ZCCHC14: variants seen among roughly 807,000 people sequenced by gnomAD.
The protein encoded by ZCCHC14 is zinc finger CCHC domain-containing protein 14.
A neutral mutation model predicts 85.0 loss-of-function variants in ZCCHC14; 16 were observed. The ratio of observed to expected loss-of-function variants is 0.19; its 90% CI spans 0.13 to 0.29. The LOEUF is 0.29. Among genes scored for constraint, ZCCHC14 ranks in the 10% least tolerant of loss-of-function variants. ZCCHC14 has a pLI of 1.00. For missense variants in ZCCHC14, 1,303 were observed against 1,443.5 expected (o/e 0.90, Z 1.58); for synonymous variants, 775 against 630.7 (o/e 1.23, Z -3.43).
intron 2 of ZCCHC14, among the ~76,000 whole-genome samples, chr16:87,454,498 A>T (rs1443538331): frequency 6.6e-6 from 1 of 152,252 alleles, no homozygotes; most frequent in Admixed American, 6.5e-5. Context: ...TAAAGTTAAA[A>T]CAAAAACTCT....
chr16:87,457,146 AGGCACTGGGTAC>A (rs1007681213), intron 2 of ZCCHC14, among the ~76,000 whole-genome samples: 1 of 152,248 alleles, frequency 6.6e-6, no homozygotes, highest in Admixed American at 6.5e-5. Flanking sequence ...AGCTGCAGCC[AGGCACTGGGTAC>A]GGGGTTTACT....
At chr16:87,450,946 T>C (rs1188040094) in intron 2 of ZCCHC14, among the ~76,000 whole-genome samples, 2 of 152,212 alleles carry the variant, frequency 1.3e-5, no homozygotes, top group African/African-American at 4.8e-5. Context: ...TTGCCCAAGC[T>C]GGAGCGTAAT....
chr16:87,453,566 G>A (rs1910811496), intron 2 of ZCCHC14, among the ~76,000 whole-genome samples: 1 of 152,216 alleles, frequency 6.6e-6, no homozygotes, highest in Non-Finnish European at 1.5e-5. Context: ...ACACCTGGCT[G>A]CCCCAGCCAC....
chr16:87,434,312 G>A (rs1437380741), intron 2 of ZCCHC14, among the ~76,000 whole-genome samples: 3 of 152,216 alleles, frequency 2.0e-5, no homozygotes, highest in African/African-American at 4.8e-5. Context: ...GGCCTGCCCC[G>A]CTGATCCAGC....
chr16:87,462,817 C>G (rs991815207), intron 1 of ZCCHC14, among the ~76,000 whole-genome samples: 1 of 151,964 alleles, frequency 6.6e-6, no homozygotes, highest in African/African-American at 2.4e-5. Context: ...CGCCAGTAAT[C>G]CCAGCACTTT....
intron 10 of ZCCHC14, 75 bp from the exon 11 acceptor site, chr16:87,413,270 G>C: frequency 6.9e-7 from 1 of 1,444,284 alleles, no homozygotes; most frequent in African/African-American, 1.4e-5. Context: ...CCCCTGCATC[G>C]CACTGTCGGC....
At chr16:87,477,378 C>T (rs754704090) in intron 1 of ZCCHC14, among the ~76,000 whole-genome samples, 1 of 152,148 alleles carries the variant, frequency 6.6e-6, no homozygotes, top group African/African-American at 2.4e-5. Context: ...CCATGGATCC[C>T]GCCCAGGGCC....
At chr16:87,455,538 T>C (rs940054977) in intron 2 of ZCCHC14, among the ~76,000 whole-genome samples, 1 of 152,216 alleles carries the variant, frequency 6.6e-6, no homozygotes, top group Non-Finnish European at 1.5e-5. Context: ...TCTTCTACGA[T>C]GAAGAACTTG....
rs115545658 is a variant in ZCCHC14, at chr16:87,422,597, G to A, written c.840+1213C>T. Among the ~76,000 whole-genome samples the A allele has an allele frequency of 5.2e-3, 794 of 151,908 alleles. 3 individuals are homozygous for A. The highest frequency in any genetic ancestry group is 0.018 in the African/African-American group (728 of 41,420). Reference sequence around the variant, plus strand: ...AAAAAAAAAAGAGAGAGAGCTGGGCGTGGTGGTGTGCACCTGTGATCCCAG... The same window carrying A: ...AAAAAAAAAAGAGAGAGAGCTGGGCATGGTGGTGTGCACCTGTGATCCCAG... On this transcript the variant is annotated intron_variant, in intron 4 of 12. Transcript: ENST00000671377.
chr16:87,484,911 C>T lies in ZCCHC14; in HGVS notation c.570+6758G>A, dbSNP rs534049533. Among the ~76,000 whole-genome samples the T allele has an allele frequency of 7.2e-5, 11 of 152,266 alleles. No homozygotes were observed. The South Asian group carries it at 1.4e-3, about 20-fold the overall frequency. On this transcript the variant is annotated intron_variant, in intron 1 of 12. Transcript: ENST00000671377. Reference sequence around the variant, plus strand: ...GGAGATAGAAATCACAAAGTTCAAACGCTGACCTACAAGTGACCCTGAGGA... The same window carrying T: ...GGAGATAGAAATCACAAAGTTCAAATGCTGACCTACAAGTGACCCTGAGGA...
rs541762753 is a variant in ZCCHC14 at position 87,431,256 on chromosome 16, G to C, written c.768+1872C>G. ...TGGGAGGCCGAGGCGGGTGGATCAG[G>C]AGGTCAGGACATTGAGACCATCCTG... is the stretch of plus-strand genomic sequence containing the variant. On this transcript the variant is annotated intron_variant, in intron 3 of 12. Coordinates refer to ENST00000671377, the MANE Select transcript of ZCCHC14 (RefSeq NM_015144.3). 6.7e-3 allele frequency among the ~76,000 whole-genome samples: 1,015 copies of C among 152,188 alleles called. 11 individuals are homozygous for C. Among genetic ancestry groups the C allele is most frequent in the African/African-American group, 0.023 (960 of 41,548 alleles).
Position 87,459,922 on chromosome 16 carries a change from G to T in ZCCHC14, c.694+86C>A, listed in dbSNP as rs1034709067. On this transcript the variant is annotated intron_variant, in intron 2 of 12. Transcript: ENST00000671377. ...ATTGGCATTTATGAAAGATCTGAAA[G>T]CATTTAACAATGCCCTCACGGGGAT... 19 of 1,571,694 alleles carry T rather than the reference G, an allele frequency of 1.2e-5. No homozygotes were observed. In the African/African-American group the frequency reaches 2.4e-4, roughly 20 times the overall value.
Position 87,492,719 on chromosome 16 carries a change from C to A in ZCCHC14, c.-481G>T. 6.8e-6 allele frequency: 1 copy of A among 146,510 alleles called. No homozygotes were observed. Among genetic ancestry groups the A allele is most frequent in the South Asian group, 2.0e-4 (1 of 4,896 alleles). The allele number at this position is 146,510 out of a possible 1,614,324, so 9.1% of individuals were successfully genotyped here. ...CCCCGGCCATGCCGTCGCCGCCGCC[C>A]GCGCCTCCGCCCAGGCCGGCCGTTA... On this transcript the variant is annotated 5_prime_UTR_variant, in exon 1 of 13. Coordinates refer to ENST00000671377, the MANE Select transcript of ZCCHC14 (RefSeq NM_015144.3). This position sits in a 1 kb window ranked among gnomAD's most constrained non-coding sequence, Gnocchi z 6.7.
chr16:87,476,962 T>C (rs1335574612), intron 1 of ZCCHC14, among the ~76,000 whole-genome samples: 3 of 151,184 alleles, frequency 2.0e-5, no homozygotes, highest in Non-Finnish European at 4.4e-5. Flanking sequence ...TTGTCTCTAA[T>C]AAAAATACAA....
chr16:87,411,457 GC>G, intron 12 of ZCCHC14, 58 bp downstream of exon 12: 2 of 1,571,844 alleles, frequency 1.3e-6, no homozygotes, highest in Non-Finnish European at 1.7e-6. Flanking sequence ...TAAAAACCAA[GC>G]ATTTGTGTGC....
At chr16:87,468,021 G>C (rs1311181074) in intron 1 of ZCCHC14, among the ~76,000 whole-genome samples, 2 of 152,156 alleles carry the variant, frequency 1.3e-5, no homozygotes, top group Non-Finnish European at 2.9e-5. Context: ...ACAAGCGTGA[G>C]CCACCGCGCC....
chr16:87,422,169 G>T (rs796855281), intron 4 of ZCCHC14, among the ~76,000 whole-genome samples: 1 of 152,146 alleles, frequency 6.6e-6, no homozygotes, highest in Non-Finnish European at 1.5e-5. Flanking sequence ...AAACCTAGGG[G>T]CAAAAACACA....
intron 6 of ZCCHC14, among the ~76,000 whole-genome samples, chr16:87,419,120 C>G (rs1908953282): frequency 6.6e-6 from 1 of 151,012 alleles, no homozygotes; most frequent in South Asian, 2.1e-4. Context: ...CCACGCCCGG[C>G]TAATTTTATA....
intron 2 of ZCCHC14, among the ~76,000 whole-genome samples, chr16:87,437,830 G>C (rs1431328254): frequency 1.3e-5 from 2 of 152,168 alleles, no homozygotes; most frequent in African/African-American, 2.4e-5. Flanking sequence ...TTAGAAACCA[G>C]TACTCTAACG....
Sources: gnomAD v4.1 joint callset for allele counts (sites outside exome capture counted in the v4.1 genomes callset) on GRCh38, gnomAD v4.1.1 for gene constraint, Gnocchi (gnomAD v3.1) non-coding constraint, MANE v1.5 for transcripts, NCBI Gene and HGNC (gene_info 2026-07-23, HGNC 2026-07-21) for gene names.